The following TMTC2 variants were observed in gnomAD, a reference collection of about 807,000 sequenced individuals.
TMTC2 encodes transmembrane O-mannosyltransferase targeting cadherins 2.
In TMTC2, 43 loss-of-function variants were observed where a neutral mutation model predicts 82.4. The ratio of observed to expected loss-of-function variants is 0.52; its 90% CI spans 0.41 to 0.67. The LOEUF is 0.67. Ranked by LOEUF, TMTC2 falls within the 30% of genes least tolerant of loss-of-function variation. The pLI, the probability that TMTC2 is intolerant of heterozygous loss-of-function variation, is 0.00. For missense variants in TMTC2, 919 were observed against 1,012.4 expected (o/e 0.91, Z 1.25); for synonymous variants, 408 against 381.9 (o/e 1.07, Z -0.80).
chr12:82,975,906 AAT>A (rs779984045), intron 7 of TMTC2, among the ~76,000 whole-genome samples: 3 of 141,958 alleles, frequency 2.1e-5, no homozygotes, highest in East Asian at 4.2e-4. Context: ...TTAAAAAAAA[AAT>A]AATGCTATTT....
intron 1 of TMTC2, among the ~76,000 whole-genome samples, chr12:82,758,132 A>G (rs1468291386): frequency 6.6e-6 from 1 of 152,132 alleles, no homozygotes; most frequent in Non-Finnish European, 1.5e-5. Flanking sequence ...ATATCTGTAT[A>G]CTTCTCCCAG....
At chr12:83,100,253 T>C (rs1485501174) in intron 11 of TMTC2, among the ~76,000 whole-genome samples, 1 of 152,166 alleles carries the variant, frequency 6.6e-6, no homozygotes, top group Non-Finnish European at 1.5e-5. Flanking sequence ...AGCACATCGC[T>C]GGGTCACCTT....
intron 8 of TMTC2, chr12:82,986,289 G>A: frequency 2.2e-6 from 1 of 455,834 alleles, no homozygotes; most frequent in East Asian, 3.8e-5. Context: ...TATGTGAGAT[G>A]TCTGTATCTT....
rs570942868 is a variant in TMTC2 at position 83,072,139 on chromosome 12, G to A, written c.2331+10308G>A. On this transcript the variant is annotated intron_variant, in intron 11 of 11. Coordinates refer to ENST00000321196, the MANE Select transcript of TMTC2 (RefSeq NM_152588.3). The stretch of plus-strand genomic sequence containing the variant: ...CTCTTTCAGTCTCTTTGATGTAGGC[G>A]CTTAGGGCTGTGAACTTTCCTCTTA... Among the ~76,000 whole-genome samples the A allele has an allele frequency of 4.6e-5, 7 of 152,114 alleles. No individual in the cohort carries two copies. The South Asian group carries it at 6.2e-4, about 14-fold the overall frequency.
intron 8 of TMTC2, among the ~76,000 whole-genome samples, chr12:82,993,287 TTTTA>T (rs1039355320): frequency 1.3e-5 from 2 of 152,110 alleles, no homozygotes; most frequent in African/African-American, 4.8e-5. Flanking sequence ...CAGGCCAGCT[TTTTA>T]TTTATTTATT....
intron 9 of TMTC2, among the ~76,000 whole-genome samples, chr12:83,045,596 T>C (rs1882059809): frequency 6.6e-6 from 1 of 152,130 alleles, no homozygotes; most frequent in Non-Finnish European, 1.5e-5. Flanking sequence ...CTTATTTATA[T>C]ACATGTATCT....
At chr12:82,712,456 C>T (rs1385121728) in intron 1 of TMTC2, among the ~76,000 whole-genome samples, 1 of 146,576 alleles carries the variant, frequency 6.8e-6, no homozygotes, top group Admixed American at 6.8e-5. Context: ...AAAAAGCCAC[C>T]TCACAGAGTT....
intron 7 of TMTC2, among the ~76,000 whole-genome samples, chr12:82,979,138 G>A (rs1009997739): frequency 6.0e-5 from 9 of 150,854 alleles, no homozygotes; most frequent in African/African-American, 1.7e-4. Context: ...TTTTTATTTA[G>A]CCACTCAATG....
At chr12:83,023,682 A>AT (rs1393241853) in intron 8 of TMTC2, among the ~76,000 whole-genome samples, 1 of 152,220 alleles carries the variant, frequency 6.6e-6, no homozygotes, top group Non-Finnish European at 1.5e-5. Flanking sequence ...TGTCCTGGGC[A>AT]TAATACCATG....
intron 7 of TMTC2, among the ~76,000 whole-genome samples, chr12:82,969,061 A>G (rs1878341331): frequency 6.6e-6 from 1 of 152,130 alleles, no homozygotes; most frequent in South Asian, 2.1e-4. Context: ...CCTAATCAAA[A>G]TGGGTTAAAT....
chr12:82,713,160 A>G (rs915699013), intron 1 of TMTC2, among the ~76,000 whole-genome samples: 2 of 152,094 alleles, frequency 1.3e-5, no homozygotes, highest in African/African-American at 4.8e-5. Flanking sequence ...TCTCTACTAG[A>G]AAGACAAAAG....
At chr12:82,908,436 A>G (rs1874439283) in intron 3 of TMTC2, among the ~76,000 whole-genome samples, 1 of 152,076 alleles carries the variant, frequency 6.6e-6, no homozygotes, top group Admixed American at 6.6e-5. Context: ...ATGAATTAAT[A>G]TTGATGATGA....
At chr12:82,791,045 G>C (rs1165569296) in intron 1 of TMTC2, among the ~76,000 whole-genome samples, 1 of 151,950 alleles carries the variant, frequency 6.6e-6, no homozygotes, top group Non-Finnish European at 1.5e-5. Flanking sequence ...TGTATTGTAG[G>C]ACCAGATGCT....
At chr12:83,053,517 C>T (rs759295710) in intron 10 of TMTC2, among the ~76,000 whole-genome samples, 7 of 151,942 alleles carry the variant, frequency 4.6e-5, no homozygotes, top group East Asian at 1.9e-4. Context: ...GGAGGGGGAG[C>T]GGGAGCTGCT....
chr12:82,697,441 A>G (rs1872866610), intron 1 of TMTC2, among the ~76,000 whole-genome samples: 2 of 152,196 alleles, frequency 1.3e-5, no homozygotes, highest in Admixed American at 1.3e-4. Flanking sequence ...TTAGGGTAAT[A>G]AGGCTGTAGT....
chr12:82,709,982 G>A (rs932156254), intron 1 of TMTC2, among the ~76,000 whole-genome samples: 4 of 152,180 alleles, frequency 2.6e-5, no homozygotes, highest in East Asian at 1.9e-4. Context: ...TGCAAGTGGT[G>A]AATTGCTAAT....
intron 1 of TMTC2, among the ~76,000 whole-genome samples, chr12:82,728,647 C>T (rs1224108115): frequency 2.0e-5 from 3 of 152,214 alleles, no homozygotes; most frequent in Non-Finnish European, 2.9e-5. Flanking sequence ...GGCACCTCCT[C>T]GGCCTTGGCG....
chr12:83,071,740 T>C (rs1883122362), intron 11 of TMTC2, among the ~76,000 whole-genome samples: 1 of 152,218 alleles, frequency 6.6e-6, no homozygotes, highest in African/African-American at 2.4e-5. Context: ...AGGAGGGTTG[T>C]ATCTTTCCCG....
At chr12:83,125,278 G>T (rs1321077125) in intron 11 of TMTC2, among the ~76,000 whole-genome samples, 1 of 152,174 alleles carries the variant, frequency 6.6e-6, no homozygotes, top group African/African-American at 2.4e-5. Flanking sequence ...CATTTTAGAA[G>T]TAGTGGCTAT....
Sources: allele counts gnomAD v4.1 joint callset (sites outside exome capture counted in the v4.1 genomes callset), GRCh38; gene constraint gnomAD v4.1.1; transcripts MANE v1.5; gene names NCBI Gene and HGNC (gene_info 2026-07-23, HGNC 2026-07-21).